LARP1B: variants seen among roughly 807,000 people sequenced by gnomAD.
LARP1B encodes the protein la-related protein 1B.
Under a neutral mutation model 114.2 loss-of-function variants are expected in LARP1B, and 76 were observed. The observed-to-expected ratio is 0.67, with a 90% CI of 0.55 to 0.81. The LOEUF (loss-of-function observed/expected upper bound fraction) is 0.81, where lower values mean the gene tolerates loss of function less well. LARP1B is among the 30% of genes least tolerant of loss of function. The probability of loss-of-function intolerance (pLI) is 0.00; values close to 1 mark genes in which losing one functional copy is unlikely to be tolerated. For missense variants in LARP1B, 1,014 were observed against 1,075.8 expected, an observed-to-expected ratio of 0.94 and a Z score of 0.80; for synonymous variants, 345 against 348.0, an observed-to-expected ratio of 0.99 and a Z score of 0.10.
intron 12 of LARP1B, among the ~76,000 whole-genome samples, chr4:128,176,598 T>G (rs1226291929): frequency 6.6e-6 from 1 of 151,976 alleles, no homozygotes; most frequent in Non-Finnish European, 1.5e-5. Flanking sequence ...CTGGCCAGAT[T>G]GTATATATTT....
At chr4:128,084,849 G>GATT (rs905911789) in intron 5 of LARP1B, among the ~76,000 whole-genome samples, 11 of 151,846 alleles carry the variant, frequency 7.2e-5, no homozygotes, top group Middle Eastern at 3.4e-3. Flanking sequence ...TTACAACATT[G>GATT]ATTATTATTA....
chr4:128,189,384 T>C (rs1161516328), intron 15 of LARP1B, among the ~76,000 whole-genome samples: 1 of 148,216 alleles, frequency 6.7e-6, no homozygotes, highest in Non-Finnish European at 1.5e-5. Context: ...TTTTCCATTC[T>C]TCACTTTCAG....
chr4:128,176,266 CAT>C (rs200255168), intron 12 of LARP1B, among the ~76,000 whole-genome samples: 30 of 124,986 alleles, frequency 2.4e-4, no homozygotes, highest in African/African-American at 3.7e-4. Flanking sequence ...TATATATACA[CAT>C]ATGTGTGTGT....
chr4:128,187,495 C>T (rs1300296497), intron 15 of LARP1B, among the ~76,000 whole-genome samples: 1 of 152,216 alleles, frequency 6.6e-6, no homozygotes, highest in Non-Finnish European at 1.5e-5. Context: ...TGTGTATTTA[C>T]CCAAGGCCTA....
chr4:128,148,326 G>C (rs994926924), intron 11 of LARP1B, among the ~76,000 whole-genome samples: 1 of 152,022 alleles, frequency 6.6e-6, no homozygotes, highest in Admixed American at 6.6e-5. Context: ...AGCTACTTGG[G>C]AGGTTGAGGC....
chr4:128,140,379 A>G (rs1016285263), intron 11 of LARP1B, among the ~76,000 whole-genome samples: 31 of 152,258 alleles, frequency 2.0e-4, no homozygotes, highest in African/African-American at 7.5e-4. Flanking sequence ...ATCTTTATGA[A>G]TACATCTAGA....
intron 11 of LARP1B, chr4:128,155,911 C>T (rs1735378950): frequency 6.5e-7 from 1 of 1,545,344 alleles, no homozygotes; most frequent in South Asian, 1.1e-5. Context: ...CTGCAAAATC[C>T]CCGAAGGAGC....
Position 128,110,549 on chromosome 4 carries a change from C to T in LARP1B, c.988+3236C>T, listed in dbSNP as rs1399132943. On this transcript the variant is annotated intron_variant, in intron 9 of 19. Transcript: ENST00000326639. Reference sequence around the variant, plus strand: ...AAAATTAGCCGGGCGTAGTGGCGGGCGCCTGTAGTCCCAGCTACTTGGGAG... The same window carrying T: ...AAAATTAGCCGGGCGTAGTGGCGGGTGCCTGTAGTCCCAGCTACTTGGGAG... Among the ~76,000 whole-genome samples, 17 of 148,092 alleles carry T rather than the reference C, an allele frequency of 1.1e-4. No homozygotes were observed. In the South Asian group the frequency reaches 1.7e-3, roughly 15 times the overall value.
At chr4:128,167,063 TACACAC>T (rs1194581443) in intron 12 of LARP1B, among the ~76,000 whole-genome samples, 1 of 146,892 alleles carries the variant, frequency 6.8e-6, no homozygotes, top group Non-Finnish European at 1.5e-5. Context: ...CACACACATA[TACACAC>T]ACACACACAT....
intron 11 of LARP1B, among the ~76,000 whole-genome samples, chr4:128,138,129 A>G (rs1016525814): frequency 6.6e-6 from 1 of 152,222 alleles, no homozygotes; most frequent in Non-Finnish European, 1.5e-5. Context: ...AAGGAAATAA[A>G]TAGCAGAATT....
intron 19 of LARP1B, among the ~76,000 whole-genome samples, chr4:128,207,976 TA>T (rs1239603905): frequency 6.6e-6 from 1 of 152,100 alleles, no homozygotes; most frequent in African/African-American, 2.4e-5. Context: ...AGAAAAGCAT[TA>T]AAAAATGTCA....
chr4:128,110,671 C>T (rs62334587), intron 9 of LARP1B, among the ~76,000 whole-genome samples: 8 of 808 alleles, frequency 9.9e-3, no homozygotes, highest in East Asian at 0.25. Context: ...AGCGAGACTC[C>T]GTCTCAAAAA....
At chr4:128,155,857 C>G in intron 11 of LARP1B, 2 of 1,566,616 alleles carry the variant, frequency 1.3e-6, no homozygotes, top group Non-Finnish European at 1.8e-6. Flanking sequence ...GCTGCAGAAG[C>G]AGAAGGAGCG....
intron 1 of LARP1B, among the ~76,000 whole-genome samples, chr4:128,072,865 A>T (rs1765919048): frequency 6.6e-6 from 1 of 152,092 alleles, no homozygotes; most frequent in South Asian, 2.1e-4. Flanking sequence ...GCCTGTATAT[A>T]TAAAATTATA....
chr4:128,163,846 T>C (rs1043635479), intron 12 of LARP1B, among the ~76,000 whole-genome samples: 4 of 152,140 alleles, frequency 2.6e-5, no homozygotes, highest in Non-Finnish European at 5.9e-5. Context: ...ATTTTCTTGC[T>C]CAGTAATAAT....
Position 128,074,988 on chromosome 4 carries a change from A to G in LARP1B, c.37A>G (p.Thr13Ala). The G allele has an allele frequency of 1.2e-6, 2 of 1,602,148 alleles. No homozygotes were observed. Among genetic ancestry groups the G allele is most frequent in the Non-Finnish European group, 1.7e-6 (2 of 1,170,168 alleles). ...NWPTPSELVN[T>A]GFQSVLSQGN... ...GCCAACACCAAGTGAATTAGTGAAC[A>G]CTGGAGTGAGTATTGTTTTAAAGTT... The change falls in exon 3 of 20, where the codon ACT becomes GCT. Residue 13 changes from threonine to alanine, a missense_variant. Transcript: ENST00000326639.
intron 11 of LARP1B, among the ~76,000 whole-genome samples, chr4:128,148,448 A>T (rs549871488): frequency 4.6e-5 from 7 of 152,106 alleles, no homozygotes; most frequent in Admixed American, 2.6e-4. Context: ...AAAAAAAAAA[A>T]GCTTCTAAAT....
chr4:128,210,906 C>A lies in LARP1B; in HGVS notation c.*853C>A. ...AAATCTTGCACTGTTTTGAATGCAT[C>A]TGCTATTTATACATCTGCAAGTGGG... On this transcript the variant is annotated 3_prime_UTR_variant, in exon 20 of 20. Coordinates refer to ENST00000326639, the MANE Select transcript of LARP1B (RefSeq NM_018078.4). The A allele has an allele frequency of 1.0e-6, 1 of 975,288 alleles. No individual in the cohort carries two copies. Among genetic ancestry groups the A allele is most frequent in the Non-Finnish European group, 1.2e-6 (1 of 820,706 alleles). 60.4% of individuals were successfully genotyped at this position (975,288 alleles called of 1,614,324 possible).
At chr4:128,144,100 A>G (rs1394550942) in intron 11 of LARP1B, among the ~76,000 whole-genome samples, 4 of 152,184 alleles carry the variant, frequency 2.6e-5, no homozygotes, top group Non-Finnish European at 5.9e-5. Flanking sequence ...ACAAGATGCC[A>G]GTAGCATCCC....
Sources: gnomAD v4.1 joint callset for allele counts (sites outside exome capture counted in the v4.1 genomes callset) on GRCh38, gnomAD v4.1.1 for gene constraint, MANE v1.5 for transcripts, NCBI Gene and HGNC (gene_info 2026-07-23, HGNC 2026-07-21) for gene names.